MYO1E: variants seen among roughly 807,000 people sequenced by gnomAD.
MYO1E encodes the protein unconventional myosin-Ie.
In MYO1E, 68 loss-of-function variants were observed where a neutral mutation model predicts 151.1. The observed-to-expected ratio is 0.45, with a 90% CI of 0.37 to 0.55. The LOEUF (loss-of-function observed/expected upper bound fraction) is 0.55, where lower values mean the gene tolerates loss of function less well. MYO1E is among the 20% of genes least tolerant of loss of function. MYO1E has a pLI of 0.00. For missense variants in MYO1E, 1,363 were observed against 1,389.3 expected, an observed-to-expected ratio of 0.98 and a Z score of 0.30; for synonymous variants, 601 against 501.7, an observed-to-expected ratio of 1.20 and a Z score of -2.64.
chr15:59,323,605 G>A (rs957831460), intron 1 of MYO1E, among the ~76,000 whole-genome samples: 14 of 151,698 alleles, frequency 9.2e-5, no homozygotes, highest in African/African-American at 3.2e-4. Context: ...ACAAGAAGCC[G>A]AGATCGCACC....
chr15:59,236,407 CACACACACACACAAACACACAT>C (rs1458912846), intron 5 of MYO1E, among the ~76,000 whole-genome samples, 156 bp downstream of exon 5: 7 of 143,398 alleles, frequency 4.9e-5, no homozygotes, highest in African/African-American at 1.8e-4. Context: ...CACACACACA[CACACACACACACAAACACACAT>C]ACATATGCTA....
intron 21 of MYO1E, 101 bp from the exon 22 acceptor site, chr15:59,172,143 G>C (rs2079599206): frequency 7.3e-7 from 1 of 1,364,346 alleles, no homozygotes; most frequent in Non-Finnish European, 1.0e-6. Context: ...AATCACCTGA[G>C]GTCAGGAGTT....
At chr15:59,175,563 A>G (rs762666606) in intron 19 of MYO1E, among the ~76,000 whole-genome samples, 1 of 152,222 alleles carries the variant, frequency 6.6e-6, no homozygotes, top group South Asian at 2.1e-4. Flanking sequence ...TCAGTGCTGT[A>G]AACAATAGGC....
intron 1 of MYO1E, among the ~76,000 whole-genome samples, chr15:59,333,140 C>T (rs1316487325): frequency 6.6e-6 from 1 of 152,196 alleles, no homozygotes; most frequent in Non-Finnish European, 1.5e-5. Context: ...AGAAATGTCA[C>T]ATTTCTTTTA....
chr15:59,359,967 A>C (rs2080876407), intron 1 of MYO1E: 1 of 152,218 alleles, frequency 6.6e-6, no homozygotes, highest in African/African-American at 2.4e-5. Context: ...TCTATGTGAA[A>C]GCCAATATAA....
intron 1 of MYO1E, among the ~76,000 whole-genome samples, chr15:59,296,374 G>A (rs2080448375): frequency 6.6e-6 from 1 of 152,214 alleles, no homozygotes; most frequent in South Asian, 2.1e-4. Context: ...CAAATTGTGT[G>A]CAACATTACA....
At chr15:59,341,042 A>C (rs573859159) in intron 1 of MYO1E, among the ~76,000 whole-genome samples, 132 of 151,868 alleles carry the variant, frequency 8.7e-4, no homozygotes, top group African/African-American at 3.0e-3. Context: ...AAAGAAAAAA[A>C]AGAAAAAAAG....
chr15:59,157,250 A>T (rs972479687), intron 25 of MYO1E, among the ~76,000 whole-genome samples: 9 of 152,176 alleles, frequency 5.9e-5, no homozygotes, highest in African/African-American at 1.9e-4. Flanking sequence ...ATGAAATATG[A>T]GCATAAATTT....
chr15:59,231,286 C>T (rs962694435), intron 6 of MYO1E, among the ~76,000 whole-genome samples: 40 of 152,148 alleles, frequency 2.6e-4, no homozygotes, highest in Non-Finnish European at 4.4e-5. Context: ...ACTCTGTGCA[C>T]CCTTCAGAGT....
intron 22 of MYO1E, among the ~76,000 whole-genome samples, chr15:59,165,265 G>A (rs1035104980): frequency 5.6e-4 from 85 of 152,294 alleles, no homozygotes; most frequent in African/African-American, 1.9e-3. Context: ...GGGGTGGGGC[G>A]GGGCGGTGAA....
chr15:59,265,291 G>T (rs1465414742), intron 2 of MYO1E, among the ~76,000 whole-genome samples: 2 of 152,118 alleles, frequency 1.3e-5, no homozygotes, highest in Non-Finnish European at 2.9e-5. Context: ...ATAAAGGGCT[G>T]CCCTCAGGAC....
rs116819444 is a variant in MYO1E at position 59,176,034 on chromosome 15, A to G, written c.2050-1794T>C. Among the ~76,000 whole-genome samples, 570 of 146,000 alleles carry G rather than the reference A, an allele frequency of 3.9e-3. 4 individuals are homozygous for G. The highest frequency in any genetic ancestry group is 0.013 in the African/African-American group (554 of 41,322). On this transcript the variant is annotated intron_variant, in intron 19 of 27. Transcript: ENST00000288235. ...ATTTAACAAAACAAAAACAAACCCT[A>G]TGGTGTCTGATGTGGGTTTTGTTGT...
intron 7 of MYO1E, among the ~76,000 whole-genome samples, chr15:59,226,274 G>A (rs1283418533): frequency 6.6e-6 from 1 of 152,200 alleles, no homozygotes; most frequent in African/African-American, 2.4e-5. Flanking sequence ...TAAGATGTGT[G>A]TGTAATTGAA....
chr15:59,316,304 C>G (rs1478805013), intron 1 of MYO1E, among the ~76,000 whole-genome samples: 2 of 152,140 alleles, frequency 1.3e-5, no homozygotes, highest in Non-Finnish European at 2.9e-5. Flanking sequence ...CATAAAAGTC[C>G]TTGACAGCAG....
At chr15:59,309,685 G>T (rs1315794845) in intron 1 of MYO1E, among the ~76,000 whole-genome samples, 1 of 152,166 alleles carries the variant, frequency 6.6e-6, no homozygotes, top group African/African-American at 2.4e-5. Context: ...TCCCAGAAAG[G>T]CCAAATGTGT....
At chr15:59,334,191 G>C (rs1284410012) in intron 1 of MYO1E, among the ~76,000 whole-genome samples, 2 of 152,170 alleles carry the variant, frequency 1.3e-5, no homozygotes, top group Non-Finnish European at 2.9e-5. Flanking sequence ...TGAAGCAGGA[G>C]GGTCACCTGA....
At chr15:59,201,024 A>G (rs1261697007) in intron 16 of MYO1E, among the ~76,000 whole-genome samples, 1 of 152,160 alleles carries the variant, frequency 6.6e-6, no homozygotes, top group Non-Finnish European at 1.5e-5. Flanking sequence ...TAAAAAAATT[A>G]TTCTTAACCA....
chr15:59,150,590 C>T (rs1470571935), intron 26 of MYO1E, among the ~76,000 whole-genome samples: 1 of 152,128 alleles, frequency 6.6e-6, no homozygotes, highest in Non-Finnish European at 1.5e-5. Flanking sequence ...TCAAACTGGG[C>T]CTAGGTGGGA....
In MYO1E at chr15:59,189,843, T is replaced by C. The variant is rs377207321; in HGVS notation, c.1806-1627A>G. On this transcript the variant is annotated intron_variant, in intron 17 of 27. Transcript: ENST00000288235. ...CCACCACGCCTGGCCCATCCTGGTTTCTTAACAGTAAAAATCTAGCAATGT... is the reference window on the plus strand; with the variant it reads ...CCACCACGCCTGGCCCATCCTGGTTCCTTAACAGTAAAAATCTAGCAATGT... Among the ~76,000 whole-genome samples, 560 of 152,354 alleles carry C rather than the reference T, an allele frequency of 3.7e-3. 8 individuals carry two copies. Among genetic ancestry groups the C allele is most frequent in the African/African-American group, 0.01 (428 of 41,596 alleles).
Sources: gnomAD v4.1 joint callset for allele counts (sites outside exome capture counted in the v4.1 genomes callset) on GRCh38, gnomAD v4.1.1 for gene constraint, MANE v1.5 for transcripts, NCBI Gene and HGNC (gene_info 2026-07-23, HGNC 2026-07-21) for gene names.